The following GAB2 variants were observed in gnomAD, a reference collection of about 807,000 sequenced individuals.
The protein encoded by GAB2 is GRB2-associated-binding protein 2.
In GAB2, 26 loss-of-function variants were observed where a neutral mutation model predicts 65.5. The observed-to-expected ratio is 0.40, with a 90% CI of 0.29 to 0.55. The LOEUF (loss-of-function observed/expected upper bound fraction) is 0.55. GAB2 is among the 20% of genes least tolerant of loss of function. GAB2 has a pLI of 0.53. For missense variants in GAB2, 884 were observed against 875.8 expected, an observed-to-expected ratio of 1.01 and a Z score of -0.12; for synonymous variants, 321 against 329.6, an observed-to-expected ratio of 0.97 and a Z score of 0.28.
chr11:78,288,073 A>G (rs1866537086), intron 1 of GAB2, among the ~76,000 whole-genome samples: 2 of 152,008 alleles, frequency 1.3e-5, no homozygotes, highest in African/African-American at 4.8e-5. Context: ...TGCAGAGGAC[A>G]TGATTATCTA....
intron 2 of GAB2, among the ~76,000 whole-genome samples, chr11:78,253,387 G>A (rs1460378826): frequency 1.3e-5 from 2 of 152,090 alleles, no homozygotes; most frequent in Non-Finnish European, 2.9e-5. Flanking sequence ...GAACTCCCGG[G>A]CTCAAGCAAT....
chr11:78,221,861 T>G, intron 7 of GAB2, 82 bp from the exon 8 acceptor site: 1 of 915,048 alleles, frequency 1.1e-6, no homozygotes, highest in Non-Finnish European at 1.8e-6. Context: ...GCCCTGACCC[T>G]CACACACCCA....
At chr11:78,283,559 A>G (rs538487886) in intron 1 of GAB2, among the ~76,000 whole-genome samples, 4 of 152,068 alleles carry the variant, frequency 2.6e-5, no homozygotes, top group African/African-American at 9.6e-5. Context: ...CTCCCCTCCT[A>G]TTCGAAGGCA....
At chr11:78,289,666 A>G (rs1032635288) in intron 1 of GAB2, among the ~76,000 whole-genome samples, 1 of 152,188 alleles carries the variant, frequency 6.6e-6, no homozygotes, top group Non-Finnish European at 1.5e-5. Context: ...ACGCTAGTAG[A>G]CCACTGAAGC....
rs1329314288 is a variant in GAB2 at position 78,417,790 on chromosome 11, C to G, written c.-70G>C. On this transcript the variant is annotated 5_prime_UTR_variant, in exon 1 of 10. Transcript: ENST00000361507. ...CGGGCTCGGGCAGCTGGGGCAGCGG[C>G]CGGCGGTGCGCAGCTCGCGGGAGGC... 2.3e-6 allele frequency: 2 copies of G among 860,160 alleles called. No individual in the cohort carries two copies. The highest frequency in any genetic ancestry group is 2.8e-6 in the Non-Finnish European group (2 of 702,300). 53.3% of individuals were successfully genotyped at this position (860,160 alleles called of 1,614,324 possible). A position where few individuals can be genotyped will look rare whatever the true frequency, so the allele number is the denominator to read the frequency against.
intron 1 of GAB2, among the ~76,000 whole-genome samples, chr11:78,359,526 A>G (rs1237896561): frequency 1.3e-5 from 2 of 152,196 alleles, no homozygotes; most frequent in African/African-American, 2.4e-5. Context: ...AAAAAACAGA[A>G]ATTGCCACAG....
At chr11:78,246,856 C>T (rs1865312658) in intron 3 of GAB2, among the ~76,000 whole-genome samples, 2 of 152,186 alleles carry the variant, frequency 1.3e-5, no homozygotes, top group South Asian at 4.1e-4. Flanking sequence ...CAAGTTCTGT[C>T]TCTCCTCCTG....
chr11:78,317,558 CAAAAAAA>C, intron 1 of GAB2, among the ~76,000 whole-genome samples: 1 of 60,820 alleles, frequency 1.6e-5, no homozygotes, highest in Non-Finnish European at 3.2e-5. Context: ...GACTCCGTCT[CAAAAAAA>C]AAAAAAAAAA....
intron 3 of GAB2, among the ~76,000 whole-genome samples, chr11:78,238,733 T>C (rs1226051498): frequency 6.6e-6 from 1 of 152,118 alleles, no homozygotes; most frequent in Non-Finnish European, 1.5e-5. Flanking sequence ...TGACAGTGAT[T>C]TCCTGAATAT....
chr11:78,251,848 T>A (rs1332272747), intron 2 of GAB2, among the ~76,000 whole-genome samples: 1 of 152,244 alleles, frequency 6.6e-6, no homozygotes, highest in Non-Finnish European at 1.5e-5. Flanking sequence ...GTGACTGTGA[T>A]GTTGTTACCA....
At chr11:78,376,643 G>A (rs554336459) in intron 1 of GAB2, among the ~76,000 whole-genome samples, 2 of 152,140 alleles carry the variant, frequency 1.3e-5, no homozygotes, top group African/African-American at 4.8e-5. Flanking sequence ...GTTTACTGTA[G>A]GATAAGGCAA....
rs556659482 is a variant in GAB2 at position 78,324,301 on chromosome 11, G to C, written c.76-43400C>G. 5.9e-5 allele frequency among the ~76,000 whole-genome samples: 9 copies of C among 152,298 alleles called. No homozygotes were observed. In the South Asian group the frequency reaches 1.9e-3, roughly 32 times the overall value. On this transcript the variant is annotated intron_variant, in intron 1 of 9. Coordinates refer to ENST00000361507, the MANE Select transcript of GAB2 (RefSeq NM_080491.3). ...ATCATCCTTAAGTTTGATCCCAAGA[G>C]TGGGGACTTATTAGCACTTATTTAC...
intron 1 of GAB2, among the ~76,000 whole-genome samples, chr11:78,412,188 A>G (rs1857139084): frequency 6.6e-6 from 1 of 152,128 alleles, no homozygotes; most frequent in South Asian, 2.1e-4. Context: ...AAGACATTTG[A>G]CCAAAGAGGA....
At chr11:78,339,037 G>A (rs560186533) in intron 1 of GAB2, among the ~76,000 whole-genome samples, 8 of 151,934 alleles carry the variant, frequency 5.3e-5, no homozygotes, top group South Asian at 4.2e-4. Context: ...ATTTTTGTGC[G>A]TCAACCTCCC....
intron 1 of GAB2, among the ~76,000 whole-genome samples, chr11:78,325,721 C>G (rs1380880322): frequency 6.6e-6 from 1 of 152,170 alleles, no homozygotes; most frequent in Non-Finnish European, 1.5e-5. Flanking sequence ...TCTTACATGA[C>G]TTAGCAACAT....
chr11:78,223,269 C>A, intron 6 of GAB2, 143 bp downstream of exon 6: 1 of 614,702 alleles, frequency 1.6e-6, no homozygotes, highest in Non-Finnish European at 2.6e-6. Flanking sequence ...CTGCATTTCA[C>A]AGATAAGAAA....
intron 1 of GAB2, among the ~76,000 whole-genome samples, chr11:78,385,011 T>C (rs1449011117): frequency 3.3e-5 from 5 of 152,222 alleles, no homozygotes; most frequent in East Asian, 3.8e-4. Context: ...AGGATATCTA[T>C]GAGACTGCCA....
At chr11:78,278,461 AC>A (rs1013801464) in intron 2 of GAB2, among the ~76,000 whole-genome samples, 4 of 147,446 alleles carry the variant, frequency 2.7e-5, no homozygotes, top group Admixed American at 2.7e-4. Flanking sequence ...TGTCTCTGCA[AC>A]CTCTGCCTCC....
chr11:78,401,575 A>C (rs1462618149), intron 1 of GAB2, among the ~76,000 whole-genome samples: 1 of 147,578 alleles, frequency 6.8e-6, no homozygotes, highest in Non-Finnish European at 1.5e-5. Context: ...GCATAATGTC[A>C]TCAAGGTTCA....
Sources: allele counts gnomAD v4.1 joint callset (sites outside exome capture counted in the v4.1 genomes callset), GRCh38; gene constraint gnomAD v4.1.1; transcripts MANE v1.5; gene names NCBI Gene and HGNC (gene_info 2026-07-23, HGNC 2026-07-21).